The following USH2A variants were observed in gnomAD, a reference collection of about 807,000 sequenced individuals.
The protein encoded by USH2A is Usher syndrome 2A (autosomal recessive, mild).
In USH2A, 443 loss-of-function variants were observed where a neutral mutation model predicts 538.9. The observed-to-expected ratio is 0.82, with a 90% CI of 0.76 to 0.89. The LOEUF is 0.89. Ranked by LOEUF, USH2A falls within the 40% of genes least tolerant of loss-of-function variation. The pLI is 0.00. For synonymous variants in USH2A, 2,413 were observed against 2,273.5 expected (o/e 1.06, Z -1.75); for missense variants, 6,633 against 6,324.8 (o/e 1.05, Z -1.65).
chr1:216,055,173 G>C (rs914153079), intron 30 of USH2A, among the ~76,000 whole-genome samples: 1 of 152,108 alleles, frequency 6.6e-6, no homozygotes, highest in Non-Finnish European at 1.5e-5. Context: ...GCTGTTTCTA[G>C]CTTCCTCTCC....
intron 11 of USH2A, among the ~76,000 whole-genome samples, chr1:216,267,003 AT>A (rs2036485484): frequency 6.6e-6 from 1 of 151,944 alleles, no homozygotes; most frequent in Non-Finnish European, 1.5e-5. Context: ...TCATTTGAGT[AT>A]TGTCTGTGTA....
chr1:215,714,804 C>T (rs987287851), intron 61 of USH2A, among the ~76,000 whole-genome samples: 2 of 152,016 alleles, frequency 1.3e-5, no homozygotes, highest in African/African-American at 4.8e-5. Context: ...ATCAATATGA[C>T]CTATATGGAA....
chr1:216,276,301 G>A (rs927016342), intron 11 of USH2A, among the ~76,000 whole-genome samples: 9 of 152,022 alleles, frequency 5.9e-5, no homozygotes, highest in East Asian at 5.8e-4. Context: ...TTCTGTCCTC[G>A]CACATTTTTA....
chr1:215,972,832 C>G (rs1332524767), intron 35 of USH2A, among the ~76,000 whole-genome samples: 1 of 152,068 alleles, frequency 6.6e-6, no homozygotes, highest in Non-Finnish European at 1.5e-5. Flanking sequence ...TTCTTTATTT[C>G]TGGTGTGACC....
At chr1:215,941,687 G>A (rs1015809710) in intron 37 of USH2A, among the ~76,000 whole-genome samples, 18 of 152,100 alleles carry the variant, frequency 1.2e-4, no homozygotes, top group African/African-American at 3.9e-4. Flanking sequence ...ACTAGGATCA[G>A]ACAAGTAATT....
At chr1:216,157,466 G>GTTAGTGGGT (rs1349422710) in intron 21 of USH2A, among the ~76,000 whole-genome samples, 14 of 152,074 alleles carry the variant, frequency 9.2e-5, no homozygotes, top group African/African-American at 3.4e-4. Context: ...CAGCAATCCT[G>GTTAGTGGGT]TTATACCCAA....
chr1:216,411,589 T>G (rs2039491200), intron 3 of USH2A, among the ~76,000 whole-genome samples: 1 of 152,182 alleles, frequency 6.6e-6, no homozygotes. Context: ...CAAGGATTGC[T>G]GCCAGCTCTG....
intron 21 of USH2A, among the ~76,000 whole-genome samples, chr1:216,156,027 G>T (rs2102624508): frequency 6.6e-6 from 1 of 152,066 alleles, no homozygotes; most frequent in South Asian, 2.1e-4. Context: ...CCTCCACAGT[G>T]GTCTTATAAA....
chr1:215,718,399 G>A (rs1280797698), intron 61 of USH2A, among the ~76,000 whole-genome samples: 1 of 152,130 alleles, frequency 6.6e-6, no homozygotes, highest in Non-Finnish European at 1.5e-5. Flanking sequence ...GCTCACAATT[G>A]TTTGGCCCAA....
intron 21 of USH2A, 38 bp from the exon 22 acceptor site, chr1:216,097,251 G>A (rs375766034): frequency 4.6e-5 from 75 of 1,613,554 alleles, no homozygotes; most frequent in Non-Finnish European, 6.3e-5. Flanking sequence ...CAGTGCTGGG[G>A]TTTTGTTGAT....
intron 38 of USH2A, among the ~76,000 whole-genome samples, chr1:215,904,464 G>A (rs74141457): frequency 6.6e-6 from 1 of 152,008 alleles, no homozygotes; most frequent in Non-Finnish European, 1.5e-5. Context: ...TATGCTTCCA[G>A]TAACACTGAA....
At chr1:216,036,988 A>G (rs1184070908) in intron 32 of USH2A, among the ~76,000 whole-genome samples, 2 of 152,150 alleles carry the variant, frequency 1.3e-5, no homozygotes, top group Non-Finnish European at 2.9e-5. Context: ...ACATAAGCTC[A>G]ATCAAGGTCA....
At chr1:215,871,483 G>A (rs1664622963) in intron 43 of USH2A, among the ~76,000 whole-genome samples, 1 of 152,132 alleles carries the variant, frequency 6.6e-6, no homozygotes, top group Non-Finnish European at 1.5e-5. Flanking sequence ...AAATCTACCT[G>A]TCCAATAGAA....
chr1:215,666,952 G>T (rs192252489), intron 64 of USH2A, among the ~76,000 whole-genome samples: 4 of 152,232 alleles, frequency 2.6e-5, no homozygotes, highest in Admixed American at 2.0e-4. Flanking sequence ...CTAGCTGGGC[G>T]TGGTGGTGTG....
rs554504178 is a variant in USH2A at position 215,835,745 on chromosome 1, C to G, written c.9371+2246G>C. Among the ~76,000 whole-genome samples the G allele has an allele frequency of 2.0e-5, 3 of 152,202 alleles. No homozygotes were observed. In the South Asian group the frequency reaches 6.2e-4, roughly 32 times the overall value. On this transcript the variant is annotated intron_variant, in intron 47 of 71. Coordinates refer to ENST00000307340, the MANE Select transcript of USH2A (RefSeq NM_206933.4). ...CCTCTCCAGTTCTCTGTGGAAAAAACAGTTTGTTTCCTGTCATTATTGTCT... is the reference window on the plus strand; with the variant it reads ...CCTCTCCAGTTCTCTGTGGAAAAAAGAGTTTGTTTCCTGTCATTATTGTCT...
chr1:215,832,308 C>G (rs1019476970), intron 47 of USH2A, among the ~76,000 whole-genome samples: 1 of 151,806 alleles, frequency 6.6e-6, no homozygotes, highest in African/African-American at 2.4e-5. Context: ...ACCATGATAC[C>G]CAATCCAGGC....
Position 216,408,167 on chromosome 1 carries a change from A to G in USH2A, c.651+10347T>C, listed in dbSNP as rs1459054700. 4.6e-5 allele frequency among the ~76,000 whole-genome samples: 7 copies of G among 152,170 alleles called. No homozygotes were observed. The East Asian group carries it at 1.3e-3, about 29-fold the overall frequency. ...TGTTAATTTATTCATGGCTTGCTGT[A>G]GGTCTTGATTGGAAGTGTTTCCATA... On this transcript the variant is annotated intron_variant, in intron 3 of 71. Transcript: ENST00000307340.
At chr1:215,704,466 T>G (rs1434139697) in intron 61 of USH2A, among the ~76,000 whole-genome samples, 1 of 152,106 alleles carries the variant, frequency 6.6e-6, no homozygotes, top group Non-Finnish European at 1.5e-5. Context: ...ATTGACAGAG[T>G]CAAGTGCAAG....
At chr1:215,998,376 G>A (rs529703462) in intron 34 of USH2A, among the ~76,000 whole-genome samples, 1 of 152,184 alleles carries the variant, frequency 6.6e-6, no homozygotes, top group South Asian at 2.1e-4. Flanking sequence ...TCTAAACTAT[G>A]TTGATTCTGG....
Sources: gnomAD v4.1 joint callset for allele counts (sites outside exome capture counted in the v4.1 genomes callset) on GRCh38, gnomAD v4.1.1 for gene constraint, MANE v1.5 for transcripts, NCBI Gene and HGNC (gene_info 2026-07-23, HGNC 2026-07-21) for gene names.